The following PARVB variants were observed in gnomAD, a reference collection of about 807,000 sequenced individuals.
PARVB encodes the protein beta-parvin.
PARVB carries 46 observed loss-of-function variants against 47.0 expected under a neutral mutation model. The ratio of observed to expected loss-of-function variants is 0.98; its 90% CI spans 0.77 to 1.25. The LOEUF (loss-of-function observed/expected upper bound fraction) is 1.25. Among genes scored for constraint, PARVB ranks in the 50% most tolerant of loss-of-function variants. The pLI, the probability that PARVB is intolerant of heterozygous loss-of-function variation, is 0.00. For synonymous variants in PARVB, 196 were observed against 196.3 expected (o/e 1.00, Z 0.01); for missense variants, 473 against 471.6 (o/e 1.00, Z -0.03).
intron 12 of PARVB, among the ~76,000 whole-genome samples, chr22:44,166,604 G>A (rs184973796): frequency 2.6e-5 from 4 of 152,362 alleles, no homozygotes; most frequent in Admixed American, 2.6e-4. Context: ...CTGGTCCAGG[G>A]CAAATAGCAA....
rs1319506663 is a variant in PARVB at position 44,119,415 on chromosome 22, G to T, written c.376+275G>T. Among the ~76,000 whole-genome samples the T allele has an allele frequency of 2.0e-5, 3 of 152,240 alleles. No homozygotes were observed. In the East Asian group the frequency reaches 5.8e-4, roughly 29 times the overall value. On this transcript the variant is annotated intron_variant, in intron 4 of 12. Coordinates refer to ENST00000338758, the MANE Select transcript of PARVB (RefSeq NM_013327.5). ...GCGGCTCCCATCCTGTTGGGTCTCA[G>T]GCCCACTTTGTGTCCCTGCCACCCT...
At chr22:44,061,806 G>A (rs2051425545) in intron 1 of PARVB, among the ~76,000 whole-genome samples, 1 of 151,734 alleles carries the variant, frequency 6.6e-6, no homozygotes, top group South Asian at 2.1e-4. Context: ...TAGTAGAGAC[G>A]GGGTTTCACC....
intron 1 of PARVB, among the ~76,000 whole-genome samples, chr22:44,058,549 A>ATTTTTTTT (rs35947294): frequency 3.1e-5 from 3 of 96,028 alleles, no homozygotes; most frequent in African/African-American, 4.3e-5. Context: ...GTGGACGTGG[A>ATTTTTTTT]TTTTTTTTTT....
chr22:44,067,139 G>A (rs1467274866), intron 1 of PARVB, among the ~76,000 whole-genome samples: 1 of 152,182 alleles, frequency 6.6e-6, no homozygotes, highest in Non-Finnish European at 1.5e-5. Flanking sequence ...ACTGTGCCAG[G>A]CCCCTTTAAT....
chr22:44,162,037 C>A (rs1189071319), intron 11 of PARVB, among the ~76,000 whole-genome samples: 2 of 152,202 alleles, frequency 1.3e-5, no homozygotes, highest in African/African-American at 4.8e-5. Context: ...GCCCTCCTGC[C>A]GGGCTGTGTC....
In PARVB at chr22:44,012,728, C is replaced by A. The variant is rs904493623; in HGVS notation, c.211+13055C>A. ...CTTGGAGGTCTGAAAATGAACAACA[C>A]AAGAAGACATTTCACAGTCTTAAGT... On this transcript the variant is annotated intron_variant, in intron 2 of 13. Transcript: ENST00000406477. Among the ~76,000 whole-genome samples, 4 of 132,964 alleles carry A rather than the reference C, an allele frequency of 3.0e-5. No individual in the cohort carries two copies. In the East Asian group the frequency reaches 7.6e-4, roughly 25 times the overall value. 87.2% of individuals were successfully genotyped at this position (132,964 alleles called of 152,430 possible).
At chr22:44,005,255 G>A (rs946460984) in intron 2 of PARVB, among the ~76,000 whole-genome samples, 23 of 145,858 alleles carry the variant, frequency 1.6e-4, no homozygotes, top group African/African-American at 5.4e-4. Context: ...GTGTGCCACC[G>A]TGCCCAGCTA....
chr22:44,097,885 A>G (rs548072593), intron 2 of PARVB, among the ~76,000 whole-genome samples: 1 of 152,264 alleles, frequency 6.6e-6, no homozygotes, highest in South Asian at 2.1e-4. Context: ...TCTCTGGGTC[A>G]GACGCCCCAT....
chr22:44,117,873 C>T (rs1316409157), intron 3 of PARVB, among the ~76,000 whole-genome samples: 1 of 152,112 alleles, frequency 6.6e-6, no homozygotes, highest in Non-Finnish European at 1.5e-5. Context: ...ACACTCTGTG[C>T]CATTGATTGA....
intron 12 of PARVB, among the ~76,000 whole-genome samples, chr22:44,167,056 A>G (rs1016802056): frequency 3.3e-5 from 5 of 152,138 alleles, no homozygotes; most frequent in African/African-American, 1.2e-4. Flanking sequence ...CACCCCCTGC[A>G]CGTGGGCGGG....
intron 1 of PARVB, among the ~76,000 whole-genome samples, chr22:44,025,886 AC>A (rs1020540240): frequency 1.1e-4 from 16 of 152,102 alleles, no homozygotes; most frequent in Non-Finnish European, 2.1e-4. Flanking sequence ...TGCTGCTTAG[AC>A]CCCAGGAAGA....
intron 3 of PARVB, chr22:44,114,296 G>C (rs2052800239): frequency 7.2e-6 from 1 of 139,470 alleles, no homozygotes; most frequent in African/African-American, 2.8e-5. Context: ...TGTTACTAAG[G>C]CCCTACACCA....
In PARVB at chr22:44,136,602, CA is replaced by C. The variant is rs1347781985; in HGVS notation, c.692+85del. On this transcript the variant is annotated intron_variant, in intron 7 of 12. Transcript: ENST00000338758. The stretch of plus-strand genomic sequence containing the variant: ...AGGCTGCCACTTCAGCCAGGGACAC[CA>C]GCGCCCATGGGGCTGCTCCCGCTCC... 3.9e-5 allele frequency: 44 copies of C among 1,142,676 alleles called. No homozygotes were observed. In the African/African-American group the frequency reaches 6.2e-4, roughly 16 times the overall value. The allele number at this position is 1,142,676 out of a possible 1,614,324, so 70.8% of individuals were successfully genotyped here.
At chr22:44,115,280 C>G (rs1299538664) in intron 3 of PARVB, 1 of 64,298 alleles carries the variant, frequency 1.6e-5, no homozygotes, top group Non-Finnish European at 3.0e-5. Flanking sequence ...TAAGGCCCTG[C>G]ACCAACACAG....
intron 3 of PARVB, among the ~76,000 whole-genome samples, chr22:44,102,256 G>A (rs118000848): frequency 0.014 from 2,090 of 152,214 alleles, 23 homozygotes; most frequent in Middle Eastern, 0.041. Flanking sequence ...AGGCCCACCC[G>A]CTTTGGGGAG....
In PARVB at chr22:44,170,482, A is replaced by G. The variant is rs903972913; in HGVS notation, c.*1804A>G. 4 of 152,184 alleles carry G rather than the reference A, an allele frequency of 2.6e-5. No individual in the cohort carries two copies. Among genetic ancestry groups the G allele is most frequent in the African/African-American group, 4.8e-5 (2 of 41,410 alleles). The allele number at this position is 152,184 out of a possible 1,614,324, so 9.4% of individuals were successfully genotyped here. On this transcript the variant is annotated 3_prime_UTR_variant, in exon 13 of 13. Coordinates refer to ENST00000338758, the MANE Select transcript of PARVB (RefSeq NM_013327.5). ...GCATAATTTGCCTTGTACCGGGAGG[A>G]TATGAAGTGTTCATGTTACTCTCCC...
chr22:44,164,898 C>T lies in PARVB; in HGVS notation c.1018+968C>T, dbSNP rs144263200. ...AGCCACCGCTTCCTGCCAGTCCACG[C>T]GGAAGGTTCCTGGCCGGTCCCTTCC... On this transcript the variant is annotated intron_variant, in intron 12 of 12. Transcript: ENST00000338758. Among the ~76,000 whole-genome samples the T allele has an allele frequency of 3.2e-3, 486 of 152,350 alleles. 1 individual carries two copies. The highest frequency in any genetic ancestry group is 0.011 in the African/African-American group (444 of 41,574).
At chr22:44,065,271 AAGG>A (rs2051497233) in intron 1 of PARVB, among the ~76,000 whole-genome samples, 2 of 152,228 alleles carry the variant, frequency 1.3e-5, no homozygotes, top group South Asian at 4.2e-4. Context: ...GGGTTCTCAG[AAGG>A]AGAAGTCTGT....
rs1569041400 is a variant in PARVB, at chr22:43,999,839, A to AC, written c.211+166_211+167insC. ...TAGTGAAAACCCATCTATATGAAAA[A>AC]AAAAAAAAAAAAAAAAAAACAGCTG... On this transcript the variant is annotated intron_variant, in intron 2 of 13. Coordinates refer to the PARVB transcript ENST00000406477. 2.0e-4 allele frequency among the ~76,000 whole-genome samples: 27 copies of AC among 132,594 alleles called. No homozygotes were observed. In the South Asian group the frequency reaches 3.9e-3, roughly 19 times the overall value. 87.0% of individuals were successfully genotyped at this position (132,594 alleles called of 152,430 possible).
Sources: gnomAD v4.1 joint callset for allele counts (sites outside exome capture counted in the v4.1 genomes callset) on GRCh38, gnomAD v4.1.1 for gene constraint, MANE v1.5 for transcripts, NCBI Gene and HGNC (gene_info 2026-07-23, HGNC 2026-07-21) for gene names.